The following ATP6V1C1 variants were observed in gnomAD, a reference collection of about 807,000 sequenced individuals.
ATP6V1C1 encodes V-type proton ATPase subunit C 1.
A neutral mutation model predicts 53.9 loss-of-function variants in ATP6V1C1; 45 were observed. That is an observed-to-expected ratio of 0.83 (90% CI 0.66 to 1.07). ATP6V1C1 has a LOEUF of 1.07. Ranked by LOEUF, ATP6V1C1 falls within the 50% of genes least tolerant of loss-of-function variation. The pLI is 0.00. For synonymous variants in ATP6V1C1, 153 were observed against 155.2 expected, an observed-to-expected ratio of 0.99 and a Z score of 0.11; for missense variants, 315 against 440.3, an observed-to-expected ratio of 0.72 and a Z score of 2.55.
chr8:103,062,189 T>TTTC (rs1554601327), intron 8 of ATP6V1C1, among the ~76,000 whole-genome samples: 4 of 137,708 alleles, frequency 2.9e-5, no homozygotes, highest in Admixed American at 7.2e-5. Flanking sequence ...TTTTTTTTTT[T>TTTC]TGACAGGGAC....
At chr8:103,022,970 T>C (rs746552169) in intron 1 of ATP6V1C1, among the ~76,000 whole-genome samples, 1 of 152,100 alleles carries the variant, frequency 6.6e-6, no homozygotes, top group Non-Finnish European at 1.5e-5. Flanking sequence ...AGAGGATCAT[T>C]TGAGCCCAGT....
chr8:103,055,972 A>G (rs780092407), intron 8 of ATP6V1C1, 36 bp downstream of exon 8: 32 of 1,588,156 alleles, frequency 2.0e-5, no homozygotes, highest in Non-Finnish European at 2.2e-5. Context: ...TTTGTTTCCT[A>G]GAATTCCTTT....
At chr8:103,036,654 G>A (rs1220498716) in intron 1 of ATP6V1C1, among the ~76,000 whole-genome samples, 1 of 152,180 alleles carries the variant, frequency 6.6e-6, no homozygotes, top group Non-Finnish European at 1.5e-5. Flanking sequence ...GATAGGGCAG[G>A]TATTATTTAT....
At chr8:103,027,180 A>G (rs1001052995) in intron 1 of ATP6V1C1, among the ~76,000 whole-genome samples, 6 of 152,218 alleles carry the variant, frequency 3.9e-5, no homozygotes, top group South Asian at 2.1e-4. Flanking sequence ...TAGCTGAGGT[A>G]TGCCTTCTTG....
chr8:103,044,582 G>C (rs1413611312), intron 3 of ATP6V1C1, among the ~76,000 whole-genome samples: 1 of 151,890 alleles, frequency 6.6e-6, no homozygotes, highest in Non-Finnish European at 1.5e-5. Context: ...CTGTTTCACT[G>C]ATCTATGTTT....
At chr8:103,028,503 G>A (rs1264413712) in intron 1 of ATP6V1C1, among the ~76,000 whole-genome samples, 2 of 152,156 alleles carry the variant, frequency 1.3e-5, no homozygotes, top group East Asian at 3.8e-4. Flanking sequence ...TCATAGAAAT[G>A]CCTGTCTTGT....
intron 11 of ATP6V1C1, 67 bp downstream of exon 11, chr8:103,064,878 A>C: frequency 7.3e-7 from 1 of 1,369,842 alleles, no homozygotes; most frequent in African/African-American, 1.4e-5. Context: ...GGACCTCTTT[A>C]TTATAACACA....
intron 3 of ATP6V1C1, among the ~76,000 whole-genome samples, chr8:103,045,827 G>T (rs1817086605): frequency 6.6e-6 from 1 of 152,092 alleles, no homozygotes; most frequent in South Asian, 2.1e-4. Context: ...TGTAGTCCCA[G>T]CTACTCGGGA....
At chr8:103,029,836 G>A (rs1038521214) in intron 1 of ATP6V1C1, among the ~76,000 whole-genome samples, 5 of 151,978 alleles carry the variant, frequency 3.3e-5, no homozygotes, top group African/African-American at 1.2e-4. Flanking sequence ...GGGTTCAAGT[G>A]ATTCTCCCAC....
rs188980946 is a variant in ATP6V1C1 at position 103,045,679 on chromosome 8, C to G, written c.201-3191C>G. On this transcript the variant is annotated intron_variant, in intron 3 of 12. Coordinates refer to ENST00000518738, the MANE Select transcript of ATP6V1C1 (RefSeq NM_001695.5). Reference sequence around the variant, plus strand: ...AAAATGGGCCGGGCATGGTGGCTCACGCCTGTAATCCCAGCACTTTGGGAG... The same window carrying G: ...AAAATGGGCCGGGCATGGTGGCTCAGGCCTGTAATCCCAGCACTTTGGGAG... Among the ~76,000 whole-genome samples, 471 of 152,264 alleles carry G rather than the reference C, an allele frequency of 3.1e-3. 2 individuals are homozygous for G. Among genetic ancestry groups the G allele is most frequent in the Admixed American group, 4.7e-3 (72 of 15,286 alleles).
chr8:103,059,880 A>G lies in ATP6V1C1; in HGVS notation c.642-3075A>G, dbSNP rs113612746. Among the ~76,000 whole-genome samples the G allele has an allele frequency of 4.4e-4, 24 of 54,586 alleles. 1 individual carries two copies. The highest frequency in any genetic ancestry group is 1.6e-3 in the African/African-American group (21 of 12,842). The allele number at this position is 54,586 out of a possible 152,430, so 35.8% of individuals were successfully genotyped here. A position where few individuals can be genotyped will look rare whatever the true frequency, so the allele number is the denominator to read the frequency against. ...TTTTGACTGCCTGCCCCCAGCACGCACACACACACACACACACCCACACAC... is the reference window on the plus strand; with the variant it reads ...TTTTGACTGCCTGCCCCCAGCACGCGCACACACACACACACACCCACACAC... On this transcript the variant is annotated intron_variant, in intron 8 of 12. Transcript: ENST00000518738.
chr8:103,025,488 A>G (rs1331819456), intron 1 of ATP6V1C1, among the ~76,000 whole-genome samples: 2 of 152,272 alleles, frequency 1.3e-5, no homozygotes, highest in African/African-American at 2.4e-5. Context: ...AATAAACTGC[A>G]TATAATGGAA....
chr8:103,054,999 T>C (rs1318829397), intron 7 of ATP6V1C1, among the ~76,000 whole-genome samples: 3 of 152,148 alleles, frequency 2.0e-5, no homozygotes, highest in Non-Finnish European at 4.4e-5. Flanking sequence ...TTTGGATTTT[T>C]CTTTGCACAG....
At chr8:103,054,592 C>T (rs1353646382) in intron 7 of ATP6V1C1, among the ~76,000 whole-genome samples, 1 of 152,078 alleles carries the variant, frequency 6.6e-6, no homozygotes, top group Admixed American at 6.6e-5. Context: ...AGTTTGCTAA[C>T]CCCTGGACTA....
chr8:103,054,849 T>G (rs1051510437), intron 7 of ATP6V1C1, among the ~76,000 whole-genome samples: 4 of 152,082 alleles, frequency 2.6e-5, no homozygotes, highest in African/African-American at 9.7e-5. Context: ...TGTGAAGACT[T>G]CCTTGCTGTG....
intron 10 of ATP6V1C1, 107 bp from the exon 11 acceptor site, chr8:103,064,607 T>C (rs1014650617): frequency 2.5e-6 from 2 of 795,406 alleles, no homozygotes; most frequent in African/African-American, 3.5e-5. Flanking sequence ...ATTATGCGAC[T>C]TAATTCTTCT....
Position 103,042,376 on chromosome 8 carries a change from G to A in ATP6V1C1, c.169G>A (p.Glu57Lys). The change falls in exon 3 of 13, where the codon GAA (glutamate) becomes AAA (lysine). Residue 57 changes from glutamate (E) to lysine (K), a missense_variant. By Grantham distance (56) the Glu-to-Lys change is moderately conservative. Transcript: ENST00000518738. ...TLDVLVGLSD[E>K]LAKLDAFVEG... is the part of the protein sequence containing the mutation. The stretch of plus-strand genomic sequence containing the variant: ...GGATGTCTTGGTTGGCTTGTCAGAT[G>A]AACTGGCTAAACTGGATGCATTTGT... 1 of 1,613,734 alleles carries A rather than the reference G, an allele frequency of 6.2e-7. No homozygotes were observed. The highest frequency in any genetic ancestry group is 1.3e-5 in the African/African-American group (1 of 74,870).
At position 103,066,411 on chromosome 8, in the gene ATP6V1C1, T is replaced by C; in HGVS notation, c.1017T>C (p.Tyr339=). The change falls in exon 12 of 13, where the codon TAT becomes TAC. Residue 339 remains tyrosine, a synonymous_variant. Coordinates refer to ENST00000518738, the MANE Select transcript of ATP6V1C1 (RefSeq NM_001695.5). ...KKLREVLHEL[Y]KHLDSSAAAI... The stretch of plus-strand genomic sequence containing the variant: ...TGAGAGAAGTATTACATGAATTGTA[T>C]AAACATCTAGACAGCAGTGCAGCAG... 3 of 1,613,016 alleles carry C rather than the reference T, an allele frequency of 1.9e-6. No homozygotes were observed. Among genetic ancestry groups the C allele is most frequent in the Non-Finnish European group, 2.5e-6 (3 of 1,179,750 alleles).
Position 103,063,116 on chromosome 8 carries a change from T to C in ATP6V1C1, c.735-19T>C. On this transcript the variant is annotated intron_variant, in intron 9 of 12. Coordinates refer to ENST00000518738, the MANE Select transcript of ATP6V1C1 (RefSeq NM_001695.5). Reference sequence around the variant, plus strand: ...TGTATACAATGTGAACAATTTTGTTTTTTTTCCCCCAAATTTAGATTCATT... The same window carrying C: ...TGTATACAATGTGAACAATTTTGTTCTTTTTCCCCCAAATTTAGATTCATT... 1.9e-6 allele frequency: 3 copies of C among 1,611,916 alleles called. No homozygotes were observed. Among genetic ancestry groups the C allele is most frequent in the South Asian group, 2.2e-5 (2 of 90,940 alleles).
Sources: allele counts gnomAD v4.1 joint callset (sites outside exome capture counted in the v4.1 genomes callset), GRCh38; gene constraint gnomAD v4.1.1; transcripts MANE v1.5; gene names NCBI Gene and HGNC (gene_info 2026-07-23, HGNC 2026-07-21).